The following SLC7A2 variants were observed in gnomAD, a reference collection of about 807,000 sequenced individuals.
SLC7A2 encodes the protein cationic amino acid transporter 2.
In SLC7A2, 48 loss-of-function variants were observed where a neutral mutation model predicts 58.9. The observed-to-expected ratio is 0.82, with a 90% CI of 0.65 to 1.04. The LOEUF is 1.04. Ranked by LOEUF, SLC7A2 falls within the 50% of genes least tolerant of loss-of-function variation. SLC7A2 has a pLI of 0.00. For synonymous variants in SLC7A2, 363 were observed against 314.5 expected (o/e 1.15, Z -1.63); for missense variants, 1,029 against 818.8 (o/e 1.26, Z -3.13).
intron 4 of SLC7A2, among the ~76,000 whole-genome samples, chr8:17,547,751 TAAA>T (rs1346613379): frequency 1.3e-5 from 2 of 151,456 alleles, no homozygotes; most frequent in East Asian, 1.9e-4. Context: ...ATGCAGCTGT[TAAA>T]AATGAGATTA....
At chr8:17,508,096 T>A (rs4921782) in intron 2 of SLC7A2, among the ~76,000 whole-genome samples, 61,313 of 148,500 alleles carry the variant, frequency 0.41, 12,701 homozygotes, top group South Asian at 0.64. Context: ...TCTTTTTTTT[T>A]AAAAAAAAAA....
At chr8:17,552,034 G>C (rs1802480239) in intron 7 of SLC7A2, 48 bp downstream of exon 7, 8 of 1,477,026 alleles carry the variant, frequency 5.4e-6, no homozygotes, top group Non-Finnish European at 7.5e-6. Flanking sequence ...ACTCTACAAA[G>C]TAGTCAGTGT....
intron 2 of SLC7A2, among the ~76,000 whole-genome samples, chr8:17,506,177 T>C (rs1484807899): frequency 6.6e-6 from 1 of 152,238 alleles, no homozygotes; most frequent in Non-Finnish European, 1.5e-5. Context: ...AGAGCACTTT[T>C]ACATGCCATT....
chr8:17,557,590 G>C (rs1802766356), intron 8 of SLC7A2, among the ~76,000 whole-genome samples: 2 of 152,188 alleles, frequency 1.3e-5, no homozygotes, highest in South Asian at 4.1e-4. Flanking sequence ...CAGCATCTTG[G>C]GAGGCCGAGG....
At chr8:17,552,906 G>A (rs1430238892) in intron 7 of SLC7A2, among the ~76,000 whole-genome samples, 1 of 152,174 alleles carries the variant, frequency 6.6e-6, no homozygotes, top group Non-Finnish European at 1.5e-5. Context: ...ATAAGGTTCT[G>A]AAAGTCTGAA....
In SLC7A2 at chr8:17,548,451, G is replaced by C. The variant is rs116915222; in HGVS notation, c.533-227G>C. The stretch of plus-strand genomic sequence containing the variant: ...AGATTTATGTTTCTTAGAAAGTGTA[G>C]TGTCTTCTATGAGCATGACCTGCCT... On this transcript the variant is annotated intron_variant, in intron 4 of 12. Transcript: ENST00000494857. 6.8e-3 allele frequency among the ~76,000 whole-genome samples: 1,032 copies of C among 152,350 alleles called. 4 individuals carry two copies. Among genetic ancestry groups the C allele is most frequent in the Middle Eastern group, 0.014 (4 of 294 alleles).
intron 9 of SLC7A2, among the ~76,000 whole-genome samples, chr8:17,558,901 G>T (rs1802832092): frequency 6.6e-6 from 1 of 152,056 alleles, no homozygotes; most frequent in Non-Finnish European, 1.5e-5. Flanking sequence ...TCCATTTCAG[G>T]ATATAAAACT....
chr8:17,547,779 C>T (rs982430595), intron 4 of SLC7A2, among the ~76,000 whole-genome samples: 1 of 111,342 alleles, frequency 9.0e-6, no homozygotes, highest in Non-Finnish European at 1.9e-5. Context: ...TTTACTGGCA[C>T]AAAAGAGTGT....
intron 2 of SLC7A2, among the ~76,000 whole-genome samples, chr8:17,524,046 A>G (rs1801123399): frequency 6.6e-6 from 1 of 152,214 alleles, no homozygotes; most frequent in Non-Finnish European, 1.5e-5. Context: ...ATCAAAAACC[A>G]TAATGCAATA....
chr8:17,515,092 G>A (rs1800749905), intron 2 of SLC7A2, among the ~76,000 whole-genome samples: 2 of 151,994 alleles, frequency 1.3e-5, no homozygotes, highest in Admixed American at 6.6e-5. Flanking sequence ...TGCTAACACT[G>A]AAAAAAGATT....
At chr8:17,538,121 G>A (rs183184346) in intron 2 of SLC7A2, among the ~76,000 whole-genome samples, 91 of 152,160 alleles carry the variant, frequency 6.0e-4, no homozygotes, top group Middle Eastern at 3.4e-3. Context: ...GCCTATGTCT[G>A]GATTCTATAT....
intron 2 of SLC7A2, among the ~76,000 whole-genome samples, chr8:17,521,314 T>C (rs1159290769): frequency 6.6e-6 from 1 of 152,228 alleles, no homozygotes; most frequent in Non-Finnish European, 1.5e-5. Flanking sequence ...AAAAACCTCG[T>C]AAATGGCCTA....
intron 1 of SLC7A2, chr8:17,499,974 A>T (rs1047807825): frequency 6.6e-6 from 1 of 152,210 alleles, no homozygotes; most frequent in Non-Finnish European, 1.5e-5. Flanking sequence ...ACTGATTTCA[A>T]CAGTTTGAGA....
At chr8:17,529,194 G>A (rs962379753) in intron 2 of SLC7A2, among the ~76,000 whole-genome samples, 4 of 152,184 alleles carry the variant, frequency 2.6e-5, no homozygotes, top group African/African-American at 9.7e-5. Context: ...ACTCTGTTCA[G>A]TAGCACTGGT....
intron 2 of SLC7A2, among the ~76,000 whole-genome samples, chr8:17,530,713 C>T (rs1801415405): frequency 1.3e-5 from 2 of 151,872 alleles, no homozygotes; most frequent in Admixed American, 1.3e-4. Flanking sequence ...GCTGGGACTA[C>T]AGGGACGTGC....
chr8:17,550,275 T>C (rs1802383275), intron 5 of SLC7A2, 26 bp from the exon 6 acceptor site: 1 of 1,608,562 alleles, frequency 6.2e-7, no homozygotes, highest in African/African-American at 1.3e-5. Flanking sequence ...AAAGTGACTT[T>C]CCAATGTGTT....
chr8:17,532,289 T>G (rs544867553), intron 2 of SLC7A2, among the ~76,000 whole-genome samples: 2 of 72,628 alleles, frequency 2.8e-5, no homozygotes, highest in Admixed American at 3.5e-4. Context: ...GAATAATGGC[T>G]GAAGAATCAG....
At chr8:17,561,227 C>T (rs1416892095) in intron 10 of SLC7A2, among the ~76,000 whole-genome samples, 4 of 152,176 alleles carry the variant, frequency 2.6e-5, no homozygotes, top group African/African-American at 9.7e-5. Context: ...CTAGTAAAGA[C>T]ATACCCAAGA....
chr8:17,559,467 G>A (rs1273150674), intron 9 of SLC7A2, among the ~76,000 whole-genome samples: 2 of 152,168 alleles, frequency 1.3e-5, no homozygotes, highest in Admixed American at 6.5e-5. Flanking sequence ...TCAGGAGGCT[G>A]AGGCAGGAGA....
Sources: allele counts gnomAD v4.1 joint callset (sites outside exome capture counted in the v4.1 genomes callset), GRCh38; gene constraint gnomAD v4.1.1; transcripts MANE v1.5; gene names NCBI Gene and HGNC (gene_info 2026-07-23, HGNC 2026-07-21).